Variants in HTR2C observed in about 807,000 individuals in gnomAD.
HTR2C encodes 5-hydroxytryptamine receptor 2C.
HTR2C carries 5 observed loss-of-function variants against 21.0 expected under a neutral mutation model. The ratio of observed to expected loss-of-function variants is 0.24; its 90% confidence interval spans 0.12 to 0.50. The LOEUF (loss-of-function observed/expected upper bound fraction) is 0.50, where lower values mean the gene tolerates loss of function less well. Among genes scored for constraint, HTR2C ranks in the 20% least tolerant of loss-of-function variants. The probability of loss-of-function intolerance (pLI) is 0.98; values close to 1 mark genes in which losing one functional copy is unlikely to be tolerated. For synonymous variants in HTR2C, 150 were observed against 145.3 expected (o/e 1.03, Z -0.23); for missense variants, 271 against 371.2 (o/e 0.73, Z 2.22).
At chrX:114,787,675 C>T (rs2070189409) in intron 4 of HTR2C, among the ~76,000 whole-genome samples, 1 of 111,627 alleles carries the variant, frequency 9.0e-6, no homozygotes, top group Non-Finnish European at 1.9e-5. Context: ...AGGCCAGGCG[C>T]GGTGGCTCAC....
intron 2 of HTR2C, among the ~76,000 whole-genome samples, chrX:114,670,056 T>C (rs1306919310): frequency 3.6e-5 from 4 of 111,335 alleles, no homozygotes; most frequent in African/African-American, 1.3e-4. Flanking sequence ...CTGGCCAACA[T>C]GGTGAAACCC....
At chrX:114,830,670 A>ATT (rs140594320) in intron 4 of HTR2C, among the ~76,000 whole-genome samples, 9 of 102,384 alleles carry the variant, frequency 8.8e-5, no homozygotes, top group Non-Finnish European at 1.2e-4. Flanking sequence ...ACTTTATTTT[A>ATT]TTTTTTTATG....
chrX:114,642,386 A>G (rs1350101614), intron 2 of HTR2C, among the ~76,000 whole-genome samples: 2 of 112,048 alleles, frequency 1.8e-5, no homozygotes, highest in African/African-American at 3.2e-5. Context: ...TCAAGGCTAC[A>G]TCTTCATAGC....
At chrX:114,697,469 T>C (rs1556416029) in intron 2 of HTR2C, among the ~76,000 whole-genome samples, 1 of 112,640 alleles carries the variant, frequency 8.9e-6, no homozygotes, top group African/African-American at 3.2e-5. Flanking sequence ...TTCTGATTCT[T>C]TCCCAAACTT....
rs951476036 is a variant in HTR2C at position 114,684,541 on chromosome X, T to C, written c.-79-42317T>C. ...ATTTCACAGCCTTAAATTTTTTAGG[T>C]TACTTTTATTTAGTAGTTACCCTGG... On this transcript the variant is annotated intron_variant, in intron 2 of 5. Transcript: ENST00000276198. Among the ~76,000 whole-genome samples the C allele has an allele frequency of 1.3e-4, 14 of 111,879 alleles. 1 individual carries two copies. In the South Asian group the frequency reaches 5.2e-3, roughly 41 times the overall value.
chrX:114,840,846 T>C (rs1489681220), intron 4 of HTR2C, among the ~76,000 whole-genome samples: 2 of 111,812 alleles, frequency 1.8e-5, no homozygotes, highest in African/African-American at 6.5e-5. Flanking sequence ...ACTTGTTATA[T>C]ACTGGTGAAG....
chrX:114,780,210 C>T (rs2070103330), intron 4 of HTR2C, among the ~76,000 whole-genome samples: 3 of 110,787 alleles, frequency 2.7e-5, no homozygotes, highest in East Asian at 2.9e-4. Context: ...TTGGTATCTA[C>T]GGGTGTCCTG....
chrX:114,750,042 A>G (rs1009154055), intron 4 of HTR2C, among the ~76,000 whole-genome samples: 1 of 110,996 alleles, frequency 9.0e-6, no homozygotes, highest in Admixed American at 9.6e-5. Context: ...GATCACACCC[A>G]TTTTCCTTGT....
Position 114,909,258 on chromosome X carries a change from C to A in HTR2C, c.*1843C>A, listed in dbSNP as rs1319320003. 8.9e-6 allele frequency: 1 copy of A among 112,426 alleles called. No individual in the cohort carries two copies. Among genetic ancestry groups the A allele is most frequent in the Non-Finnish European group, 1.9e-5 (1 of 53,233 alleles). 9.3% of individuals were successfully genotyped at this position (112,426 alleles called of 1,213,427 possible). A position where few individuals can be genotyped will look rare whatever the true frequency, so the allele number is the denominator to read the frequency against. Reference sequence around the variant, plus strand: ...TGCATGTTAAAATAATTATATGAAGCAGAATGAGATGATTTAATTCTTACC... The same window carrying A: ...TGCATGTTAAAATAATTATATGAAGAAGAATGAGATGATTTAATTCTTACC... On this transcript the variant is annotated 3_prime_UTR_variant, in exon 6 of 6. Coordinates refer to ENST00000276198, the MANE Select transcript of HTR2C (RefSeq NM_000868.4).
Position 114,604,438 on chromosome X carries a change from T to G in HTR2C, c.-146-9377T>G, listed in dbSNP as rs988620471. On this transcript the variant is annotated intron_variant, in intron 1 of 5. Coordinates refer to ENST00000276198, the MANE Select transcript of HTR2C (RefSeq NM_000868.4). ...AAACAGGCCCTTGAAAAGAAGGTAA[T>G]GTGGAGTGGGTAGCCTCCGTATTGA... Among the ~76,000 whole-genome samples the G allele has an allele frequency of 6.6e-4, 73 of 109,782 alleles. 1 individual carries two copies. Among genetic ancestry groups the G allele is most frequent in the Non-Finnish European group, 8.9e-4 (47 of 52,544 alleles).
chrX:114,592,188 C>T (rs1927661426), intron 1 of HTR2C, among the ~76,000 whole-genome samples: 3 of 112,353 alleles, frequency 2.7e-5, no homozygotes, highest in Non-Finnish European at 5.6e-5. Context: ...GGAGAAAACT[C>T]CCACAAATTT....
At chrX:114,736,446 A>T (rs2069591656) in intron 4 of HTR2C, among the ~76,000 whole-genome samples, 1 of 111,965 alleles carries the variant, frequency 8.9e-6, no homozygotes, top group Non-Finnish European at 1.9e-5. Context: ...TGGTAAGACT[A>T]AAAAAGAAAG....
chrX:114,815,899 T>G (rs1236995842), intron 4 of HTR2C, among the ~76,000 whole-genome samples: 1 of 111,265 alleles, frequency 9.0e-6, no homozygotes, highest in Non-Finnish European at 1.9e-5. Context: ...TTTTCAACAC[T>G]TTTATTCACA....
chrX:114,906,240 C>T (rs2071371301), intron 5 of HTR2C, among the ~76,000 whole-genome samples: 1 of 111,910 alleles, frequency 8.9e-6, no homozygotes, highest in African/African-American at 3.3e-5. Flanking sequence ...AAATATTTAT[C>T]GAGTGCCTTC....
chrX:114,733,194 G>A (rs1556423752), intron 4 of HTR2C, among the ~76,000 whole-genome samples: 1 of 110,555 alleles, frequency 9.0e-6, no homozygotes, highest in African/African-American at 3.3e-5. Flanking sequence ...GATCACTTGA[G>A]GTCAGGAGCT....
intron 1 of HTR2C, among the ~76,000 whole-genome samples, chrX:114,591,801 G>A (rs1355409091): frequency 8.9e-6 from 1 of 111,977 alleles, no homozygotes; most frequent in Non-Finnish European, 1.9e-5. Flanking sequence ...ATGCTAATGA[G>A]GTGAAAAACA....
chrX:114,748,572 G>A (rs1382408496), intron 4 of HTR2C, among the ~76,000 whole-genome samples: 3 of 110,927 alleles, frequency 2.7e-5, no homozygotes, highest in African/African-American at 9.8e-5. Flanking sequence ...ATATATGAAT[G>A]GACATAAATA....
intron 2 of HTR2C, among the ~76,000 whole-genome samples, chrX:114,680,285 T>C (rs914575009): frequency 8.9e-6 from 1 of 112,231 alleles, no homozygotes; most frequent in Non-Finnish European, 1.9e-5. Flanking sequence ...ATGTATACCA[T>C]AGAGAAGGAA....
At chrX:114,894,553 G>A (rs7062257) in intron 5 of HTR2C, among the ~76,000 whole-genome samples, 3,964 of 110,564 alleles carry the variant, frequency 0.036, 189 homozygotes, top group African/African-American at 0.12. Context: ...AATGTCCTAT[G>A]TTTCAACTGG....
Sources: allele counts gnomAD v4.1 joint callset (sites outside exome capture counted in the v4.1 genomes callset), GRCh38; gene constraint gnomAD v4.1.1; transcripts MANE v1.5; gene names NCBI Gene and HGNC (gene_info 2026-07-23, HGNC 2026-07-21).